Variants in LRRC4C observed in about 807,000 individuals in gnomAD.
LRRC4C encodes leucine-rich repeat-containing protein 4C.
In LRRC4C, 5 loss-of-function variants were observed where a neutral mutation model predicts 33.6. The ratio of observed to expected loss-of-function variants is 0.15; its 90% CI spans 0.08 to 0.31. The LOEUF (loss-of-function observed/expected upper bound fraction) is 0.31, where lower values mean the gene tolerates loss of function less well. LRRC4C is among the 10% of genes least tolerant of loss of function. LRRC4C has a pLI of 1.00. For synonymous variants in LRRC4C, 329 were observed against 302.0 expected, an observed-to-expected ratio of 1.09 and a Z score of -0.93; for missense variants, 560 against 796.7, an observed-to-expected ratio of 0.70 and a Z score of 3.58.
chr11:40,176,504 T>C (rs1239231380), intron 5 of LRRC4C, among the ~76,000 whole-genome samples: 3 of 151,766 alleles, frequency 2.0e-5, no homozygotes, highest in African/African-American at 7.3e-5. Context: ...ATTGGTGTTT[T>C]AAAAGACAAC....
At chr11:40,703,161 G>C (rs980778863) in intron 2 of LRRC4C, among the ~76,000 whole-genome samples, 5 of 152,070 alleles carry the variant, frequency 3.3e-5, no homozygotes, top group Non-Finnish European at 5.9e-5. Flanking sequence ...GGCGCTATTA[G>C]TACCTAGTGG....
intron 4 of LRRC4C, among the ~76,000 whole-genome samples, chr11:40,277,384 G>A (rs765422870): frequency 2.0e-5 from 3 of 152,062 alleles, no homozygotes; most frequent in Non-Finnish European, 4.4e-5. Context: ...AGTTGTGGCT[G>A]GGTAGCTGCC....
intron 2 of LRRC4C, among the ~76,000 whole-genome samples, chr11:40,904,045 T>C (rs1447634051): frequency 1.3e-5 from 2 of 152,096 alleles, no homozygotes; most frequent in East Asian, 1.9e-4. Context: ...AGCCTGAAGA[T>C]TGGACTGAAT....
chr11:41,368,249 A>T (rs1952615904), intron 1 of LRRC4C, among the ~76,000 whole-genome samples: 1 of 152,166 alleles, frequency 6.6e-6, no homozygotes, highest in Non-Finnish European at 1.5e-5. Context: ...GCAGAATGAG[A>T]TACACCCATT....
At chr11:40,207,710 T>A (rs1733642427) in intron 5 of LRRC4C, among the ~76,000 whole-genome samples, 1 of 152,180 alleles carries the variant, frequency 6.6e-6, no homozygotes, top group Non-Finnish European at 1.5e-5. Flanking sequence ...ATTTTAAGAG[T>A]TCATCAGCCA....
chr11:41,104,577 G>A (rs1334135121), intron 1 of LRRC4C, among the ~76,000 whole-genome samples: 1 of 151,848 alleles, frequency 6.6e-6, no homozygotes, highest in Non-Finnish European at 1.5e-5. Flanking sequence ...TGCTAAATGT[G>A]GAGTGAACAT....
chr11:41,010,526 T>C (rs1855094834), intron 1 of LRRC4C, among the ~76,000 whole-genome samples: 1 of 151,902 alleles, frequency 6.6e-6, no homozygotes, highest in Admixed American at 6.6e-5. Context: ...GAAAGTGGAG[T>C]TGACTTGGCA....
chr11:41,304,670 TTG>T (rs1235210782), intron 1 of LRRC4C, among the ~76,000 whole-genome samples: 2 of 92,612 alleles, frequency 2.2e-5, no homozygotes, highest in Non-Finnish European at 2.1e-5. Flanking sequence ...GGGAGGGAGG[TTG>T]GGGGGTCAGC....
At chr11:40,633,850 T>C (rs1289216914) in intron 3 of LRRC4C, among the ~76,000 whole-genome samples, 5 of 152,246 alleles carry the variant, frequency 3.3e-5, no homozygotes, top group African/African-American at 1.2e-4. Flanking sequence ...TTGTATTTTA[T>C]GTGAGTATTT....
At chr11:40,919,523 T>C (rs1190721473) in intron 2 of LRRC4C, among the ~76,000 whole-genome samples, 6 of 152,144 alleles carry the variant, frequency 3.9e-5, no homozygotes, top group African/African-American at 1.4e-4. Context: ...CAGCTATTCT[T>C]TCTAACCCAT....
chr11:40,527,248 G>A (rs777698942), intron 3 of LRRC4C, among the ~76,000 whole-genome samples: 1 of 152,024 alleles, frequency 6.6e-6, no homozygotes, highest in Non-Finnish European at 1.5e-5. Context: ...ATTCACCTAT[G>A]TTTGTGCACT....
At chr11:41,262,483 G>A (rs958682704) in intron 1 of LRRC4C, among the ~76,000 whole-genome samples, 3 of 151,278 alleles carry the variant, frequency 2.0e-5, no homozygotes, top group African/African-American at 7.3e-5. Flanking sequence ...CTGGAATGAT[G>A]AGTTGAACAA....
intron 1 of LRRC4C, among the ~76,000 whole-genome samples, chr11:40,975,579 G>T (rs1252065645): frequency 2.6e-5 from 4 of 152,130 alleles, no homozygotes; most frequent in African/African-American, 9.7e-5. Flanking sequence ...CTTGCATTGT[G>T]TTGTATTATT....
intron 1 of LRRC4C, among the ~76,000 whole-genome samples, chr11:41,259,544 A>G (rs551968573): frequency 2.6e-5 from 4 of 152,116 alleles, no homozygotes; most frequent in African/African-American, 9.6e-5. Context: ...ACAATCTGGG[A>G]TACAGAAAAA....
At chr11:41,104,074 T>G (rs1036839621) in intron 1 of LRRC4C, among the ~76,000 whole-genome samples, 1 of 151,866 alleles carries the variant, frequency 6.6e-6, no homozygotes, top group East Asian at 1.9e-4. Flanking sequence ...ATACAACACA[T>G]GAGCACATAA....
chr11:40,367,062 G>C (rs1948240873), intron 3 of LRRC4C, among the ~76,000 whole-genome samples: 1 of 151,984 alleles, frequency 6.6e-6, no homozygotes, highest in South Asian at 2.1e-4. Context: ...ATGTGAACTT[G>C]ATAAATATTT....
intron 4 of LRRC4C, among the ~76,000 whole-genome samples, chr11:40,242,886 T>C (rs1204596279): frequency 9.2e-5 from 14 of 152,140 alleles, no homozygotes; most frequent in Non-Finnish European, 5.9e-5. Context: ...TTCAATAGAA[T>C]GTTTTCGGCA....
At chr11:40,753,217 G>A (rs1043981759) in intron 2 of LRRC4C, among the ~76,000 whole-genome samples, 8 of 151,814 alleles carry the variant, frequency 5.3e-5, no homozygotes, top group Non-Finnish European at 1.0e-4. Flanking sequence ...AAATTACTTC[G>A]AATGCTTTAT....
At chr11:40,482,790 A>G (rs1351142921) in intron 3 of LRRC4C, among the ~76,000 whole-genome samples, 2 of 152,142 alleles carry the variant, frequency 1.3e-5, no homozygotes, top group African/African-American at 4.8e-5. Context: ...TCAGAGAGCT[A>G]AGAATACAAA....
Sources: allele counts gnomAD v4.1 joint callset (sites outside exome capture counted in the v4.1 genomes callset), GRCh38; gene constraint gnomAD v4.1.1; transcripts MANE v1.5; gene names NCBI Gene and HGNC (gene_info 2026-07-23, HGNC 2026-07-21).